The following CNTNAP2 variants were observed in gnomAD, a reference collection of about 807,000 sequenced individuals.
CNTNAP2 encodes contactin-associated protein-like 2.
A neutral mutation model predicts 155.2 loss-of-function variants in CNTNAP2; 98 were observed. The observed-to-expected ratio is 0.63, with a 90% CI of 0.54 to 0.75. CNTNAP2 has a LOEUF of 0.75. Ranked by LOEUF, CNTNAP2 falls within the 30% of genes least tolerant of loss-of-function variation. The pLI is 0.00. For synonymous variants in CNTNAP2, 651 were observed against 631.2 expected (o/e 1.03, Z -0.47); for missense variants, 1,727 against 1,688.1 (o/e 1.02, Z -0.40).
intron 3 of CNTNAP2, among the ~76,000 whole-genome samples, chr7:146,945,120 T>A (rs1400578295): frequency 1.3e-5 from 2 of 152,218 alleles, no homozygotes; most frequent in African/African-American, 4.8e-5. Flanking sequence ...AGGTTTTATT[T>A]CTCATTGTGA....
At chr7:146,858,091 G>A (rs1795027289) in intron 3 of CNTNAP2, among the ~76,000 whole-genome samples, 1 of 152,172 alleles carries the variant, frequency 6.6e-6, no homozygotes, top group Non-Finnish European at 1.5e-5. Flanking sequence ...TAAGGGCCTT[G>A]ACAGAAGGAA....
At chr7:146,244,095 A>C (rs972047654) in intron 1 of CNTNAP2, among the ~76,000 whole-genome samples, 1 of 152,136 alleles carries the variant, frequency 6.6e-6, no homozygotes, top group African/African-American at 2.4e-5. Context: ...GAATTGAAAA[A>C]CTAAATGGAA....
intron 8 of CNTNAP2, among the ~76,000 whole-genome samples, chr7:147,154,116 AAAG>A (rs1315967774): frequency 2.0e-5 from 3 of 152,298 alleles, no homozygotes; most frequent in South Asian, 2.1e-4. Flanking sequence ...CCACAAAAAA[AAAG>A]AAGAATAATT....
intron 1 of CNTNAP2, among the ~76,000 whole-genome samples, chr7:146,717,110 T>G (rs1050273241): frequency 6.6e-5 from 10 of 152,110 alleles, no homozygotes; most frequent in African/African-American, 2.4e-4. Context: ...AGAGGTTATA[T>G]AGGTGAAAGA....
At chr7:147,856,034 CAG>C (rs969925212) in intron 13 of CNTNAP2, among the ~76,000 whole-genome samples, 3 of 152,146 alleles carry the variant, frequency 2.0e-5, no homozygotes, top group African/African-American at 7.2e-5. Context: ...TGCCCAAGAA[CAG>C]AGCTCTGCTT....
chr7:147,669,102 A>G (rs1795745865), intron 13 of CNTNAP2, among the ~76,000 whole-genome samples: 1 of 152,204 alleles, frequency 6.6e-6, no homozygotes, highest in African/African-American at 2.4e-5. Flanking sequence ...AATAGGCTAT[A>G]CCATATAGCC....
At chr7:146,930,701 C>G (rs1409975712) in intron 3 of CNTNAP2, among the ~76,000 whole-genome samples, 1 of 152,058 alleles carries the variant, frequency 6.6e-6, no homozygotes, top group Non-Finnish European at 1.5e-5. Flanking sequence ...ATCTCACATG[C>G]AGAGACACAC....
intron 11 of CNTNAP2, among the ~76,000 whole-genome samples, chr7:147,525,787 G>A (rs907951433): frequency 6.6e-6 from 1 of 152,158 alleles, no homozygotes; most frequent in Non-Finnish European, 1.5e-5. Context: ...TTAATATTAT[G>A]ACTCTTTCAT....
chr7:148,057,529 G>A (rs1803044463), intron 15 of CNTNAP2, among the ~76,000 whole-genome samples: 1 of 152,162 alleles, frequency 6.6e-6, no homozygotes, highest in African/African-American at 2.4e-5. Flanking sequence ...TTATGAGTGT[G>A]AGGTGATCTT....
intron 13 of CNTNAP2, among the ~76,000 whole-genome samples, chr7:147,709,414 C>T (rs1401975162): frequency 6.6e-6 from 1 of 152,194 alleles, no homozygotes; most frequent in Non-Finnish European, 1.5e-5. Context: ...ACCCAACTTG[C>T]ACAATGTCCT....
At chr7:148,106,520 A>G (rs952311764) in intron 15 of CNTNAP2, among the ~76,000 whole-genome samples, 8 of 142,824 alleles carry the variant, frequency 5.6e-5, no homozygotes, top group African/African-American at 2.1e-4. Flanking sequence ...ATATATATAT[A>G]CATATTTTTT....
intron 13 of CNTNAP2, among the ~76,000 whole-genome samples, chr7:147,788,467 C>A (rs530241538): frequency 5.9e-5 from 9 of 152,298 alleles, no homozygotes; most frequent in African/African-American, 1.9e-4. Flanking sequence ...TCAAGATGCT[C>A]AACCAGAGTC....
At position 146,657,562 on chromosome 7, in the gene CNTNAP2, C is replaced by T. The variant is rs1800016340; in HGVS notation, c.98-116709C>T. ...TGTCTCTCTGTTTCTCTCTTTCTCT[C>T]TCTATTCTTTTGCATGGACACCAAA... On this transcript the variant is annotated intron_variant, in intron 1 of 23. Transcript: ENST00000361727. 7.9e-5 allele frequency among the ~76,000 whole-genome samples: 12 copies of T among 152,238 alleles called. 2 individuals carry two copies. The South Asian group carries it at 2.5e-3, about 32-fold the overall frequency.
At chr7:146,471,984 T>G (rs1796805710) in intron 1 of CNTNAP2, among the ~76,000 whole-genome samples, 2 of 152,208 alleles carry the variant, frequency 1.3e-5, no homozygotes, top group Admixed American at 1.3e-4. Flanking sequence ...ACTTGCAAGT[T>G]TGAATGAAAA....
chr7:147,814,667 G>A (rs994524309), intron 13 of CNTNAP2, among the ~76,000 whole-genome samples: 5 of 151,746 alleles, frequency 3.3e-5, no homozygotes, highest in African/African-American at 4.8e-5. Flanking sequence ...ACATGCCATC[G>A]GGAAACTCAT....
rs190211969 is a variant in CNTNAP2 at position 146,390,046 on chromosome 7, G to A, written c.97+273073G>A. Among the ~76,000 whole-genome samples the A allele has an allele frequency of 1.4e-3, 205 of 151,674 alleles. 1 individual carries two copies. The highest frequency in any genetic ancestry group is 4.8e-3 in the African/African-American group (197 of 41,330). On this transcript the variant is annotated intron_variant, in intron 1 of 23. Transcript: ENST00000361727. ...TCTCTGCCTTTCATATTGTATTCTG[G>A]TCTCACCCTAAACTTGCCTAATAAT...
chr7:147,995,409 G>C (rs1292904882), intron 15 of CNTNAP2, among the ~76,000 whole-genome samples: 1 of 151,908 alleles, frequency 6.6e-6, no homozygotes, highest in Admixed American at 6.6e-5. Flanking sequence ...CCCTTCCATA[G>C]AAGTATTAAG....
intron 12 of CNTNAP2, among the ~76,000 whole-genome samples, chr7:147,580,712 T>C (rs1800483712): frequency 6.6e-6 from 1 of 151,894 alleles, no homozygotes; most frequent in Admixed American, 6.6e-5. Context: ...GCCTCCCAGG[T>C]TCAAGCGATT....
At chr7:147,453,006 A>G (rs1234929553) in intron 10 of CNTNAP2, among the ~76,000 whole-genome samples, 1 of 151,960 alleles carries the variant, frequency 6.6e-6, no homozygotes, top group Non-Finnish European at 1.5e-5. Context: ...AAAGGGAGAA[A>G]GGAAGAAAAA....
Sources: gnomAD v4.1 joint callset for allele counts (sites outside exome capture counted in the v4.1 genomes callset) on GRCh38, gnomAD v4.1.1 for gene constraint, MANE v1.5 for transcripts, NCBI Gene and HGNC (gene_info 2026-07-23, HGNC 2026-07-21) for gene names.